SPATA31E1: variants seen among roughly 807,000 people sequenced by gnomAD.
SPATA31E1 encodes SPATA31 subfamily E member 1.
Under a neutral mutation model 12.9 loss-of-function variants are expected in SPATA31E1, and 7 were observed. The observed-to-expected ratio is 0.54, with a 90% CI of 0.31 to 1.02. The LOEUF (loss-of-function observed/expected upper bound fraction) is 1.02. Among genes scored for constraint, SPATA31E1 ranks in the 50% least tolerant of loss-of-function variants. The pLI is 0.05. For synonymous variants in SPATA31E1, 771 were observed against 719.0 expected, an observed-to-expected ratio of 1.07 and a Z score of -1.16; for missense variants, 1,961 against 1,799.8, an observed-to-expected ratio of 1.09 and a Z score of -1.62.
rs148586576 is a variant in SPATA31E1 at position 87,884,934 on chromosome 9, C to A, written c.447C>A (p.Gly149=). 1.2e-6 allele frequency: 2 copies of A among 1,609,352 alleles called. No individual in the cohort carries two copies. The highest frequency in any genetic ancestry group is 1.7e-5 in the Admixed American group (1 of 59,832). ...LLESHLRKLA[G]EGSSHLPLGG... is the part of the protein sequence containing the mutation. ...GCAGCCACCTGAGGAAGCTCGCTGG[C>A]GAAGGCAGCTCCCACCTGCCCTTAG... is the stretch of plus-strand genomic sequence containing the variant. Residue 149 remains glycine (G), a synonymous_variant, in exon 4 of 4, where the codon GGC becomes GGA. Coordinates refer to ENST00000325643, the MANE Select transcript of SPATA31E1 (RefSeq NM_178828.5).
Position 87,885,835 on chromosome 9 carries a change from T to A in SPATA31E1, c.1348T>A (p.Ser450Thr). The change falls in exon 4 of 4, where the codon TCC (serine) becomes ACC (threonine). Residue 450 changes from serine to threonine, a missense_variant. By Grantham distance (58) the Ser-to-Thr change is moderately conservative (BLOSUM62 1). Transcript: ENST00000325643. ...GGACCTCCCCTCTCTCAATAGCGAG[T>A]CCCTGGCGACCACAGTCTGGGTTTC... ...FWDLPSLNSESLATTVWVSRN... is the reference protein window; with the variant it reads ...FWDLPSLNSETLATTVWVSRN... 1.2e-6 allele frequency: 2 copies of A among 1,613,726 alleles called. No individual in the cohort carries two copies. The highest frequency in any genetic ancestry group is 1.7e-6 in the Non-Finnish European group (2 of 1,179,998).
In SPATA31E1 at chr9:87,886,585, G is replaced by A. The variant is rs34017995; in HGVS notation, c.2098G>A (p.Gly700Arg). The A allele has an allele frequency of 0.051, 82,157 of 1,613,924 alleles. 3,145 individuals are homozygous for A. Among genetic ancestry groups the A allele is most frequent in the African/African-American group, 0.2 (14,669 of 74,930 alleles). ...DVQKTGFRSS[G>R]RFSDKGCLGS... ...GCAGAAGACCGGGTTCAGGAGCTCC[G>A]GAAGGTTCTCTGACAAGGGGTGCTT... Residue 700 changes from glycine to arginine, a missense_variant, in exon 4 of 4, where the codon GGA (glycine) becomes AGA (arginine). By Grantham distance (125) the Gly-to-Arg change is moderately radical (BLOSUM62 -2). Coordinates refer to ENST00000325643, the MANE Select transcript of SPATA31E1 (RefSeq NM_178828.5).
At position 87,887,055 on chromosome 9, in the gene SPATA31E1, G is replaced by GGT. The variant is rs1449036296; in HGVS notation, c.2568_2569insGT (p.Pro857ValfsTer3). ...GGGGTACAGACCTCCAGTCCCTGGA[G>GGT]CCCATAAATGTCTGGTCAGGTGAGG... On this transcript the variant is annotated frameshift_variant, in exon 4 of 4. Coordinates refer to ENST00000325643, the MANE Select transcript of SPATA31E1 (RefSeq NM_178828.5). LOFTEE classifies it low-confidence loss of function (END_TRUNC). 6.2e-7 allele frequency: 1 copy of GGT among 1,614,004 alleles called. No homozygotes were observed. The highest frequency in any genetic ancestry group is 2.2e-5 in the East Asian group (1 of 44,884).
Position 87,885,934 on chromosome 9 carries a change from G to C in SPATA31E1, c.1447G>C (p.Glu483Gln), listed in dbSNP as rs534898072. ...KASTSLPGEP[E>Q]VEASSQLSQA... ...CTCCACTTCTCTTCCAGGTGAACCT[G>C]AGGTTGAGGCATCCTCACAGCTTTC... is the stretch of plus-strand genomic sequence containing the variant. Residue 483 changes from glutamate to glutamine, a missense_variant, in exon 4 of 4, where the codon GAG becomes CAG. Physicochemically the swap from Glu to Gln is conservative, Grantham distance 29. Coordinates refer to ENST00000325643, the MANE Select transcript of SPATA31E1 (RefSeq NM_178828.5). 4 of 1,613,860 alleles carry C rather than the reference G, an allele frequency of 2.5e-6. No individual in the cohort carries two copies. Among genetic ancestry groups the C allele is most frequent in the Admixed American group, 3.3e-5 (2 of 60,028 alleles).
In SPATA31E1 at chr9:87,888,464, T is replaced by A; in HGVS notation, c.3977T>A (p.Ile1326Asn). Residue 1326 changes from isoleucine to asparagine, a missense_variant, in exon 4 of 4, where the codon ATC (isoleucine) becomes AAC (asparagine). By Grantham distance (149) the Ile-to-Asn change is moderately radical (BLOSUM62 -3). Transcript: ENST00000325643. ...AWTISRVVGQILVDKLGLQWG... is the reference protein window; with the variant it reads ...AWTISRVVGQNLVDKLGLQWG... The stretch of plus-strand genomic sequence containing the variant: ...ACCATCAGCAGAGTTGTGGGACAAA[T>A]CCTGGTGGACAAACTGGGGCTTCAG... 6.2e-7 allele frequency: 1 copy of A among 1,614,084 alleles called. No homozygotes were observed. Among genetic ancestry groups the A allele is most frequent in the South Asian group, 1.1e-5 (1 of 91,072 alleles).
chr9:87,883,603 G>A lies in SPATA31E1; in HGVS notation c.310-389G>A, dbSNP rs987138790. Among the ~76,000 whole-genome samples, 5 of 152,280 alleles carry A rather than the reference G, an allele frequency of 3.3e-5. 1 individual carries two copies. Among genetic ancestry groups the A allele is most frequent in the African/African-American group, 4.8e-5 (2 of 41,572 alleles). On this transcript the variant is annotated intron_variant, in intron 1 of 3. Transcript: ENST00000325643. ...GAGCCTCCCAGTAGAGCCTGGATTCGCCTGTGGCTGCACCCCGGCCACATG... is the reference window on the plus strand; with the variant it reads ...GAGCCTCCCAGTAGAGCCTGGATTCACCTGTGGCTGCACCCCGGCCACATG...
Position 87,884,588 on chromosome 9 carries a change from C to A in SPATA31E1, c.365-3C>A. On this transcript the variant is annotated splice_polypyrimidine_tract_variant and splice_region_variant and intron_variant, in intron 2 of 3. Coordinates refer to ENST00000325643, the MANE Select transcript of SPATA31E1 (RefSeq NM_178828.5). ...CACCATAACCCTGTCTCCTGATTTC[C>A]AGCTTGCAGAATCCTCCTGAGGGAG... The A allele has an allele frequency of 6.2e-7, 1 of 1,614,126 alleles. No homozygotes were observed. The highest frequency in any genetic ancestry group is 8.5e-7 in the Non-Finnish European group (1 of 1,179,996).
Position 87,882,937 on chromosome 9 carries a change from G to A in SPATA31E1, c.46G>A (p.Val16Ile). The A allele has an allele frequency of 1.9e-6, 3 of 1,613,204 alleles. No homozygotes were observed. Among genetic ancestry groups the A allele is most frequent in the Non-Finnish European group, 2.5e-6 (3 of 1,179,974 alleles). ...IPLGKGRAGR[V>I]ESGQRIPPPA... Reference sequence around the variant, plus strand: ...TCTAGGGAAGGGCAGGGCAGGCAGGGTTGAGAGTGGGCAGAGGATTCCACC... The same window carrying A: ...TCTAGGGAAGGGCAGGGCAGGCAGGATTGAGAGTGGGCAGAGGATTCCACC... The change falls in exon 1 of 4, where the codon GTT becomes ATT. Residue 16 changes from valine to isoleucine, a missense_variant. Physicochemically the swap from Val to Ile is conservative, Grantham distance 29. Transcript: ENST00000325643.
Position 87,884,668 on chromosome 9 carries a change from T to TTC in SPATA31E1, c.425+19_425+20dup, listed in dbSNP as rs771429495. On this transcript the variant is annotated intron_variant, in intron 3 of 3. Coordinates refer to ENST00000325643, the MANE Select transcript of SPATA31E1 (RefSeq NM_178828.5). ...TCTGGAAAGGTGAGGAGCTTCCCCC[T>TTC]TCTGTCCCTGTCCTCCTTCCTACCA... 3 of 1,613,868 alleles carry TTC rather than the reference T, an allele frequency of 1.9e-6. No individual in the cohort carries two copies. Among genetic ancestry groups the TTC allele is most frequent in the Non-Finnish European group, 2.5e-6 (3 of 1,179,904 alleles).
In SPATA31E1 at chr9:87,886,206, G is replaced by A. The variant is rs1304607902; in HGVS notation, c.1719G>A (p.Lys573=). 3 of 1,613,330 alleles carry A rather than the reference G, an allele frequency of 1.9e-6. No individual in the cohort carries two copies. Among genetic ancestry groups the A allele is most frequent in the Non-Finnish European group, 2.5e-6 (3 of 1,179,638 alleles). ...GKEYLEWPLK[K]RPKWKRVLPS... is the part of the protein sequence containing the mutation. ...AGTATCTTGAATGGCCCTTGAAGAA[G>A]CGACCAAAGTGGAAGAGGGTTTTGC... The change falls in exon 4 of 4, where the codon AAG becomes AAA. Residue 573 remains lysine, a synonymous_variant. Coordinates refer to ENST00000325643, the MANE Select transcript of SPATA31E1 (RefSeq NM_178828.5).
chr9:87,886,068 C>A lies in SPATA31E1; in HGVS notation c.1581C>A (p.Leu527=). 6.2e-7 allele frequency: 1 copy of A among 1,611,946 alleles called. No homozygotes were observed. The highest frequency in any genetic ancestry group is 8.5e-7 in the Non-Finnish European group (1 of 1,178,798). Residue 527 remains leucine (L), a synonymous_variant, in exon 4 of 4, where the codon CTC becomes CTA. Transcript: ENST00000325643. ...PLAEIQTQAH[L]SPPVPSLGCS... ...CTGAGATCCAGACCCAGGCCCACCT[C>A]TCACCCCCTGTCCCAAGCCTGGGGT...
Position 87,887,437 on chromosome 9 carries a change from C to G in SPATA31E1, c.2950C>G (p.Pro984Ala). 6.2e-7 allele frequency: 1 copy of G among 1,613,846 alleles called. No individual in the cohort carries two copies. The highest frequency in any genetic ancestry group is 8.5e-7 in the Non-Finnish European group (1 of 1,180,044). Residue 984 changes from proline (P) to alanine (A), a missense_variant, in exon 4 of 4, where the codon CCC (proline) becomes GCC (alanine). Physicochemically the swap from Pro to Ala is conservative, Grantham distance 27. Transcript: ENST00000325643. ...TGTCCTGGAATCCGGGAAACCCAAA[C>G]CCAGACTAGAGGGGAGTATGGGTTC... is the stretch of plus-strand genomic sequence containing the variant. ...RTVLESGKPK[P>A]RLEGSMGSEM...
At chr9:87,884,255 C>G (rs1828221175) in intron 2 of SPATA31E1, among the ~76,000 whole-genome samples, 1 of 152,204 alleles carries the variant, frequency 6.6e-6, no homozygotes, top group Non-Finnish European at 1.5e-5. Flanking sequence ...CAAGGCCTGC[C>G]TGGATATGGG....
chr9:87,885,463 T>A lies in SPATA31E1; in HGVS notation c.976T>A (p.Ser326Thr). The change falls in exon 4 of 4, where the codon TCC becomes ACC. Residue 326 changes from serine to threonine, a missense_variant. Coordinates refer to ENST00000325643, the MANE Select transcript of SPATA31E1 (RefSeq NM_178828.5). ...WGLSTYSHGK[S>T]QPRHLPDHTS... ...CCTCTCCACCTACTCACATGGCAAA[T>A]CCCAGCCACGGCATCTTCCCGACCA... is the stretch of plus-strand genomic sequence containing the variant. 6.2e-7 allele frequency: 1 copy of A among 1,613,846 alleles called. No individual in the cohort carries two copies. The highest frequency in any genetic ancestry group is 8.5e-7 in the Non-Finnish European group (1 of 1,179,894).
In SPATA31E1 at chr9:87,885,703, T is replaced by G; in HGVS notation, c.1216T>G (p.Phe406Val). Residue 406 changes from phenylalanine (F) to valine (V), a missense_variant, in exon 4 of 4, where the codon TTC (phenylalanine) becomes GTC (valine). Phe to Val is a conservative substitution (Grantham distance 50). Transcript: ENST00000325643. ...GTGGGACATCACGACCCTAAATCCCTTCTGGAACGTGTCAACCCAGCCACA... is the reference window on the plus strand; with the variant it reads ...GTGGGACATCACGACCCTAAATCCCGTCTGGAACGTGTCAACCCAGCCACA... ...KEWDITTLNP[F>V]WNVSTQPQQL... 3 of 1,613,596 alleles carry G rather than the reference T, an allele frequency of 1.9e-6. No individual in the cohort carries two copies.
chr9:87,888,618 C>T lies in SPATA31E1; in HGVS notation c.4131C>T (p.Cys1377=). 1 of 1,614,086 alleles carries T rather than the reference C, an allele frequency of 6.2e-7. No individual in the cohort carries two copies. Among genetic ancestry groups the T allele is most frequent in the African/African-American group, 1.3e-5 (1 of 75,022 alleles). ...ERSREMRALA[C]SPKATPKGHH... is the part of the protein sequence containing the mutation. ...GCAGAGAGATGAGAGCTCTGGCCTG[C>T]AGCCCTAAAGCCACCCCCAAGGGCC... is the stretch of plus-strand genomic sequence containing the variant. The change falls in exon 4 of 4, where the codon TGC becomes TGT. Residue 1377 remains cysteine (C), a synonymous_variant. Coordinates refer to ENST00000325643, the MANE Select transcript of SPATA31E1 (RefSeq NM_178828.5).
chr9:87,884,695 G>A, intron 3 of SPATA31E1, 44 bp downstream of exon 3: 2 of 1,609,470 alleles, frequency 1.2e-6, no homozygotes, highest in Non-Finnish European at 1.7e-6. Context: ...TTCCTACCAG[G>A]GCCTCTGATG....
At chr9:87,883,967 C>T (rs1372306843) in intron 1 of SPATA31E1, 25 bp from the exon 2 acceptor site, 1 of 1,597,460 alleles carries the variant, frequency 6.3e-7, no homozygotes, top group East Asian at 2.3e-5. Flanking sequence ...CTGGTCCCAG[C>T]CCCTCATCCT....
chr9:87,886,477 C>A lies in SPATA31E1; in HGVS notation c.1990C>A (p.Pro664Thr). 6.2e-7 allele frequency: 1 copy of A among 1,613,972 alleles called. No homozygotes were observed. Among genetic ancestry groups the A allele is most frequent in the Non-Finnish European group, 8.5e-7 (1 of 1,179,992 alleles). The stretch of plus-strand genomic sequence containing the variant: ...GCCTGATGGGGAATTCCCAGGGAGG[C>A]CCCAGAGTCAGGCAGAAGACACGCA... ...LQPDGEFPGR[P>T]QSQAEDTQQA... The change falls in exon 4 of 4, where the codon CCC (proline) becomes ACC (threonine). Residue 664 changes from proline to threonine, a missense_variant. By Grantham distance (38) the Pro-to-Thr change is conservative. Coordinates refer to ENST00000325643, the MANE Select transcript of SPATA31E1 (RefSeq NM_178828.5).
Sources: gnomAD v4.1 joint callset for allele counts (sites outside exome capture counted in the v4.1 genomes callset) on GRCh38, gnomAD v4.1.1 for gene constraint, MANE v1.5 for transcripts, NCBI Gene and HGNC (gene_info 2026-07-23, HGNC 2026-07-21) for gene names.